The following ARHGAP39 variants were observed in gnomAD, a reference collection of about 807,000 sequenced individuals.
ARHGAP39 encodes rho GTPase-activating protein 39.
Under a neutral mutation model 106.9 loss-of-function variants are expected in ARHGAP39, and 44 were observed. The ratio of observed to expected loss-of-function variants is 0.41; its 90% CI spans 0.32 to 0.53. The LOEUF (loss-of-function observed/expected upper bound fraction) is 0.53, where lower values mean the gene tolerates loss of function less well. ARHGAP39 is among the 20% of genes least tolerant of loss of function. The pLI, the probability that ARHGAP39 is intolerant of heterozygous loss-of-function variation, is 0.21. For missense variants in ARHGAP39, 1,496 were observed against 1,577.3 expected (o/e 0.95, Z 0.87); for synonymous variants, 768 against 693.2 (o/e 1.11, Z -1.69).
Position 144,530,554 on chromosome 8 carries a change from C to T in ARHGAP39, c.3213G>A (p.Val1071=). 3 of 1,611,930 alleles carry T rather than the reference C, an allele frequency of 1.9e-6. No individual in the cohort carries two copies. Among genetic ancestry groups the T allele is most frequent in the Non-Finnish European group, 2.5e-6 (3 of 1,179,690 alleles). ...TKMDVSNLAM[V]MAPNCLRCQS... ...GGCAGCGCAAGCAGTTGGGCGCCAT[C>T]ACCATGGCCAGGTTGCTGACATCCA... The change falls in exon 12 of 12, where the codon GTG becomes GTA. Residue 1071 remains valine (V), a synonymous_variant. Transcript: ENST00000377307.
chr8:144,639,588 T>C (rs1339700096), intron 1 of ARHGAP39, among the ~76,000 whole-genome samples: 1 of 152,054 alleles, frequency 6.6e-6, no homozygotes, highest in African/African-American at 2.4e-5. Flanking sequence ...TTCCTGTCAA[T>C]GGTTGCCACG....
intron 7 of ARHGAP39, among the ~76,000 whole-genome samples, chr8:144,537,476 G>C (rs1008061360): frequency 3.3e-5 from 5 of 152,148 alleles, no homozygotes; most frequent in African/African-American, 7.2e-5. Flanking sequence ...ACCCCATCAA[G>C]AACCCAGCAA....
At chr8:144,660,746 G>A (rs1418295336) in intron 1 of ARHGAP39, among the ~76,000 whole-genome samples, 5 of 152,130 alleles carry the variant, frequency 3.3e-5, no homozygotes, top group Admixed American at 6.5e-5. Flanking sequence ...TTGGGAGGCC[G>A]AGGCAGGCAG....
Position 144,605,494 on chromosome 8 carries a change from C to T in ARHGAP39, c.80+41G>A, listed in dbSNP as rs369094032. ...CAGGAAGAAAGCAGTTCCACCCACT[C>T]GTGAGGCCCGGGCAGCTCCGCAGGT... On this transcript the variant is annotated intron_variant, in intron 2 of 11. Transcript: ENST00000377307. The T allele has an allele frequency of 5.6e-6, 9 of 1,603,364 alleles. No individual in the cohort carries two copies. In the East Asian group the frequency reaches 1.1e-4, roughly 20 times the overall value.
chr8:144,606,785 C>T (rs534658566), intron 1 of ARHGAP39, among the ~76,000 whole-genome samples: 27 of 151,952 alleles, frequency 1.8e-4, no homozygotes, highest in South Asian at 1.2e-3. Context: ...CAATCTCGTA[C>T]GTAAAACTTA....
At chr8:144,602,362 GGTGTGTGTGCGAGCTCATGTACCT>G (rs1284866541) in intron 2 of ARHGAP39, among the ~76,000 whole-genome samples, 1 of 142,008 alleles carries the variant, frequency 7.0e-6, no homozygotes, top group Non-Finnish European at 1.5e-5. Context: ...TGTGCATGGA[GGTGTGTGTGCGAGCTCATGTACCT>G]GTGTGTGTGC....
intron 2 of ARHGAP39, among the ~76,000 whole-genome samples, chr8:144,601,488 C>A (rs1819940321): frequency 9.1e-6 from 1 of 109,742 alleles, no homozygotes; most frequent in African/African-American, 3.9e-5. Context: ...GCTCATGTAC[C>A]TGTGTGTGTG....
At position 144,547,395 on chromosome 8, in the gene ARHGAP39, T is replaced by A. The variant is rs1226035460; in HGVS notation, c.1691A>T (p.Gln564Leu). The A allele has an allele frequency of 6.3e-7, 1 of 1,594,146 alleles. No individual in the cohort carries two copies. Among genetic ancestry groups the A allele is most frequent in the Non-Finnish European group, 8.5e-7 (1 of 1,176,862 alleles). Residue 564 changes from glutamine (Q) to leucine (L), a missense_variant, in exon 5 of 12, where the codon CAG (glutamine) becomes CTG (leucine). Gln to Leu is a moderately radical substitution (Grantham distance 113, BLOSUM62 -2). This residue lies in a region of ARHGAP39 where 905 missense variants were observed against 816.4 expected (regional missense o/e 1.11). Coordinates refer to ENST00000377307, the MANE Select transcript of ARHGAP39 (RefSeq NM_025251.3). The surrounding 1 kb of genome is among the most constrained non-coding windows in gnomAD (Gnocchi z 5.2). ...LAQARLAWEA[Q>L]QAHFHMKQRS... The stretch of plus-strand genomic sequence containing the variant: ...CTGCTTCATGTGGAAGTGGGCCTGC[T>A]GCGCCTCCCAGGCCAGCCGAGCCTG...
At chr8:144,683,706 G>T (rs1486005117) in intron 1 of ARHGAP39, among the ~76,000 whole-genome samples, 1 of 152,032 alleles carries the variant, frequency 6.6e-6, no homozygotes, top group African/African-American at 2.4e-5. Context: ...AGTATGTGAG[G>T]CTTGTCTCTC....
At position 144,645,071 on chromosome 8, in the gene ARHGAP39, C is replaced by T. The variant is rs73716234; in HGVS notation, c.-81-39376G>A. Among the ~76,000 whole-genome samples the T allele has an allele frequency of 7.5e-4, 114 of 152,274 alleles. No individual in the cohort carries two copies. Among genetic ancestry groups the T allele is most frequent in the African/African-American group, 2.6e-3 (108 of 41,552 alleles). On this transcript the variant is annotated intron_variant, in intron 1 of 11. Coordinates refer to ENST00000377307, the MANE Select transcript of ARHGAP39 (RefSeq NM_025251.3). The surrounding 1 kb of genome is among the most constrained non-coding windows in gnomAD (Gnocchi z 4.4). ...AGTCCCCGTGTTATCCAGGAGGAAG[C>T]GAAGAAAACACTGGGCAGGTCCACA...
rs554138424 is a variant in ARHGAP39, at chr8:144,579,559, C to T, written c.512+1287G>A. Among the ~76,000 whole-genome samples, 127 of 152,268 alleles carry T rather than the reference C, an allele frequency of 8.3e-4. 1 individual carries two copies. The South Asian group carries it at 0.024, about 29-fold the overall frequency. On this transcript the variant is annotated intron_variant, in intron 3 of 11. Transcript: ENST00000377307. The stretch of plus-strand genomic sequence containing the variant: ...ACACCTGATTTGCCCCACCTCCTGC[C>T]CACTCTGCAGCAGGCCCCATCCCTG...
rs774446262 is a variant in ARHGAP39, at chr8:144,602,589, TGGA to T, written c.80+2943_80+2945del. ...GCTCGTGTACCTGTGTGCATGTGTG[TGGA>T]GGTGTGTGTGCGAGCTCATGTACCT... On this transcript the variant is annotated intron_variant, in intron 2 of 11. Coordinates refer to ENST00000377307, the MANE Select transcript of ARHGAP39 (RefSeq NM_025251.3). Among the ~76,000 whole-genome samples the T allele has an allele frequency of 2.6e-3, 333 of 129,824 alleles. 3 individuals are homozygous for T. Among genetic ancestry groups the T allele is most frequent in the Middle Eastern group, 6.0e-3 (1 of 166 alleles). 85.2% of individuals were successfully genotyped at this position (129,824 alleles called of 152,430 possible). A position where few individuals can be genotyped will look rare whatever the true frequency, so the allele number is the denominator to read the frequency against.
rs190628477 is a variant in ARHGAP39 at position 144,641,238 on chromosome 8, C to T, written c.-81-35543G>A. ...CTATGACATCTGGGACCCTGGGGCA[C>T]CGGTCTCTGGCCCTCAAGGCACCAG... On this transcript the variant is annotated intron_variant, in intron 1 of 11. Transcript: ENST00000377307. This position sits in a 1 kb window ranked among gnomAD's most constrained non-coding sequence, Gnocchi z 5.2. Among the ~76,000 whole-genome samples the T allele has an allele frequency of 6.6e-6, 1 of 152,066 alleles. No individual in the cohort carries two copies. The highest frequency in any genetic ancestry group is 2.4e-5 in the African/African-American group (1 of 41,404).
chr8:144,596,883 G>A (rs1474995836), intron 2 of ARHGAP39, among the ~76,000 whole-genome samples: 3 of 152,180 alleles, frequency 2.0e-5, no homozygotes, highest in Admixed American at 6.5e-5. Context: ...AGGCTCTGCC[G>A]GCCAGCCCCA....
At chr8:144,696,015 T>C in the ARHGAP39 span, among the ~76,000 whole-genome samples, 1 of 152,024 alleles carries the variant, frequency 6.6e-6, no homozygotes, top group Admixed American at 6.6e-5. Context: ...GCTAGGTGAT[T>C]AAAGGAAAGA....
chr8:144,581,717 C>T (rs557472215), intron 2 of ARHGAP39, among the ~76,000 whole-genome samples: 2 of 152,312 alleles, frequency 1.3e-5, no homozygotes, highest in East Asian at 3.9e-4. Flanking sequence ...GGGCCTCAGG[C>T]CCAGCTAAGT....
chr8:144,597,490 A>T (rs541957012), intron 2 of ARHGAP39, among the ~76,000 whole-genome samples: 167 of 152,348 alleles, frequency 1.1e-3, no homozygotes, highest in African/African-American at 2.6e-3. Flanking sequence ...CCACGTGCCC[A>T]GGCTGGAACC....
Position 144,547,419 on chromosome 8 carries a change from T to C in ARHGAP39, c.1667A>G (p.Gln556Arg), listed in dbSNP as rs773175930. 8.2e-6 allele frequency: 13 copies of C among 1,591,462 alleles called. No homozygotes were observed. The highest frequency in any genetic ancestry group is 1.3e-5 in the African/African-American group (1 of 74,718). Residue 556 changes from glutamine to arginine, a missense_variant, in exon 5 of 12, where the codon CAG (glutamine) becomes CGG (arginine). Physicochemically the swap from Gln to Arg is conservative, Grantham distance 43 (BLOSUM62 1). Coordinates refer to ENST00000377307, the MANE Select transcript of ARHGAP39 (RefSeq NM_025251.3). This position sits in a 1 kb window ranked among gnomAD's most constrained non-coding sequence, Gnocchi z 5.2. ...ARGAAEPFLA[Q>R]ARLAWEAQQA... is the part of the protein sequence containing the mutation. ...CTGCGCCTCCCAGGCCAGCCGAGCC[T>C]GCGCCAGGAAGGGCTCGGCCGCGCC...
rs183598515 is a variant in ARHGAP39 at position 144,598,515 on chromosome 8, C to T, written c.80+7020G>A. On this transcript the variant is annotated intron_variant, in intron 2 of 11. Coordinates refer to ENST00000377307, the MANE Select transcript of ARHGAP39 (RefSeq NM_025251.3). ...AGCAGCCCCAGCTCCTTACAGAGCC[C>T]GGGGCATGAGAGAAGGCACAGTGCC... 2.0e-3 allele frequency among the ~76,000 whole-genome samples: 311 copies of T among 152,292 alleles called. 1 individual carries two copies. Among genetic ancestry groups the T allele is most frequent in the African/African-American group, 6.9e-3 (286 of 41,556 alleles).
Sources: gnomAD v4.1 joint callset for allele counts (sites outside exome capture counted in the v4.1 genomes callset) on GRCh38, gnomAD v4.1.1 for gene constraint, gnomAD v4.1.1 regional missense constraint, Gnocchi (gnomAD v3.1) non-coding constraint, MANE v1.5 for transcripts, NCBI Gene and HGNC (gene_info 2026-07-23, HGNC 2026-07-21) for gene names.